Variants in RMND1 observed in about 807,000 individuals in gnomAD.
RMND1 encodes the protein required for meiotic nuclear division protein 1 homolog.
A neutral mutation model predicts 54.0 loss-of-function variants in RMND1; 41 were observed. The observed-to-expected ratio is 0.76, with a 90% CI of 0.59 to 0.98. RMND1 has a LOEUF of 0.98. Among genes scored for constraint, RMND1 ranks in the 50% least tolerant of loss-of-function variants. RMND1 has a pLI of 0.00. For missense variants in RMND1, 457 were observed against 532.0 expected (o/e 0.86, Z 1.39); for synonymous variants, 183 against 181.7 (o/e 1.01, Z -0.06).
chr6:151,443,597 A>G (rs1780856106), intron 2 of RMND1, among the ~76,000 whole-genome samples: 1 of 152,180 alleles, frequency 6.6e-6, no homozygotes, highest in Admixed American at 6.5e-5. Context: ...GCTGTGAGCC[A>G]CCGCCCAGCC....
At chr6:151,446,090 G>A in intron 1 of RMND1, 3 of 340,632 alleles carry the variant, frequency 8.8e-6, no homozygotes, top group South Asian at 4.4e-5. Context: ...AATAGTGATG[G>A]GACCACTTCA....
At chr6:151,422,504 A>T (rs1490305909) in intron 8 of RMND1, 37 bp downstream of exon 8, 4 of 1,028,432 alleles carry the variant, frequency 3.9e-6, no homozygotes, top group Non-Finnish European at 5.6e-6. Context: ...ACATATAAAA[A>T]TCAATCCTTG....
chr6:151,451,374 C>T (rs1187925558), intron 1 of RMND1, among the ~76,000 whole-genome samples: 6 of 152,052 alleles, frequency 3.9e-5, no homozygotes, highest in Non-Finnish European at 2.9e-5. Context: ...GCTGACAATA[C>T]AGCTGAAAAT....
chr6:151,438,105 C>T (rs1351548244), intron 2 of RMND1, among the ~76,000 whole-genome samples: 2 of 152,132 alleles, frequency 1.3e-5, no homozygotes, highest in African/African-American at 4.8e-5. Context: ...TCAGGAGTTA[C>T]CAGAGTACAG....
intron 10 of RMND1, among the ~76,000 whole-genome samples, chr6:151,415,689 A>C (rs1245484074): frequency 2.0e-5 from 3 of 150,858 alleles, no homozygotes; most frequent in African/African-American, 7.3e-5. Context: ...CCTACTCAGG[A>C]GGCTGAGGCA....
chr6:151,409,097 C>G (rs78375092), intron 10 of RMND1, among the ~76,000 whole-genome samples: 5,447 of 152,136 alleles, frequency 0.036, 198 homozygotes, highest in East Asian at 0.18. Flanking sequence ...GTCTTGCAGC[C>G]AAAGGGTGCA....
At chr6:151,446,309 C>T (rs1332968864) in intron 1 of RMND1, among the ~76,000 whole-genome samples, 1 of 151,914 alleles carries the variant, frequency 6.6e-6, no homozygotes, top group Non-Finnish European at 1.5e-5. Flanking sequence ...CAGCTCATGC[C>T]TGTAGTCCCA....
chr6:151,438,197 C>T (rs933139743), intron 2 of RMND1, among the ~76,000 whole-genome samples: 5 of 152,118 alleles, frequency 3.3e-5, no homozygotes, highest in Non-Finnish European at 7.3e-5. Context: ...AGCTGATGTA[C>T]GATGTGTGTA....
At chr6:151,419,466 G>A (rs1469202575) in intron 9 of RMND1, among the ~76,000 whole-genome samples, 1 of 151,916 alleles carries the variant, frequency 6.6e-6, no homozygotes, top group Admixed American at 6.6e-5. Context: ...GGGAGGCCTA[G>A]GGAGGAGGAT....
At chr6:151,446,184 AG>A (rs1780947359) in intron 1 of RMND1, among the ~76,000 whole-genome samples, 1 of 152,194 alleles carries the variant, frequency 6.6e-6, no homozygotes, top group Admixed American at 6.5e-5. Flanking sequence ...GCACACTGGG[AG>A]GCTGAGGCAG....
intron 2 of RMND1, chr6:151,444,414 C>T (rs1780890549): frequency 6.6e-6 from 1 of 152,200 alleles, no homozygotes; most frequent in African/African-American, 2.4e-5. Context: ...AAAAACCATT[C>T]ATTCATTGCT....
At chr6:151,430,342 A>G (rs1780417704) in intron 4 of RMND1, 165 bp from the exon 5 acceptor site, 2 of 512,758 alleles carry the variant, frequency 3.9e-6, no homozygotes, top group Admixed American at 3.4e-5. Flanking sequence ...ACTTCCTACA[A>G]TAAGAGCTAA....
chr6:151,406,855 C>T (rs1179782013), intron 10 of RMND1, among the ~76,000 whole-genome samples: 5 of 152,056 alleles, frequency 3.3e-5, no homozygotes, highest in African/African-American at 1.2e-4. Context: ...GATTTTTGCA[C>T]ATAGCATTAA....
At chr6:151,448,933 C>T (rs1582973737) in intron 1 of RMND1, among the ~76,000 whole-genome samples, 1 of 151,536 alleles carries the variant, frequency 6.6e-6, no homozygotes, top group South Asian at 2.1e-4. Context: ...AAAAATCAGC[C>T]GGGCATGGTG....
chr6:151,412,190 C>T (rs190549240), intron 10 of RMND1, among the ~76,000 whole-genome samples: 1 of 152,108 alleles, frequency 6.6e-6, no homozygotes, highest in East Asian at 1.9e-4. Context: ...TTAGTAGAGA[C>T]AGGGTTTCAC....
intron 1 of RMND1, among the ~76,000 whole-genome samples, chr6:151,446,759 A>T (rs1015029665): frequency 6.6e-6 from 1 of 152,026 alleles, no homozygotes; most frequent in Non-Finnish European, 1.5e-5. Flanking sequence ...ACAAAAAAAA[A>T]TTAGCCAAGC....
intron 2 of RMND1, among the ~76,000 whole-genome samples, chr6:151,441,773 C>T (rs1780783096): frequency 6.6e-6 from 1 of 152,178 alleles, no homozygotes; most frequent in Admixed American, 6.5e-5. Context: ...ACTCTGTGCA[C>T]CTCTACATCT....
At chr6:151,430,914 C>A (rs1562793664) in intron 4 of RMND1, among the ~76,000 whole-genome samples, 1 of 151,724 alleles carries the variant, frequency 6.6e-6, no homozygotes. Flanking sequence ...TGAAACATTT[C>A]TAAAGTACTT....
rs545355860 is a variant in RMND1 at position 151,410,206 on chromosome 6, C to A, written c.1201-4370G>T. 1.1e-4 allele frequency among the ~76,000 whole-genome samples: 16 copies of A among 152,176 alleles called. No homozygotes were observed. The South Asian group carries it at 3.1e-3, about 30-fold the overall frequency. On this transcript the variant is annotated intron_variant, in intron 10 of 11. Transcript: ENST00000444024. ...AGTAGCTGGGACTACAGACGCCCGC[C>A]ACCACGCCCAGCTAATTTTTTTGTA...
Sources: allele counts gnomAD v4.1 joint callset (sites outside exome capture counted in the v4.1 genomes callset), GRCh38; gene constraint gnomAD v4.1.1; transcripts MANE v1.5; gene names NCBI Gene and HGNC (gene_info 2026-07-23, HGNC 2026-07-21).